The following AIG1 variants were observed in gnomAD, a reference collection of about 807,000 sequenced individuals.
AIG1 encodes androgen-induced gene 1 protein.
In AIG1, 23 loss-of-function variants were observed where a neutral mutation model predicts 31.4. The ratio of observed to expected loss-of-function variants is 0.73; its 90% CI spans 0.53 to 1.04. The LOEUF (loss-of-function observed/expected upper bound fraction) is 1.04. Ranked by LOEUF, AIG1 falls within the 50% of genes least tolerant of loss-of-function variation. AIG1 has a pLI of 0.00. For missense variants in AIG1, 274 were observed against 295.0 expected (o/e 0.93, Z 0.52); for synonymous variants, 100 against 110.5 (o/e 0.90, Z 0.60).
chr6:143,273,146 G>A (rs1796655783), intron 3 of AIG1, among the ~76,000 whole-genome samples: 1 of 152,072 alleles, frequency 6.6e-6, no homozygotes, highest in Non-Finnish European at 1.5e-5. Flanking sequence ...AATATTGTGG[G>A]AATATTTTAA....
At position 143,268,902 on chromosome 6, in the gene AIG1, T is replaced by C. The variant is rs1796324385; in HGVS notation, c.400-15208T>C. ...TGCCCTTATGTGAAGACAGCAGCCT[T>C]ACTAAGTTCAGACCCCCTTCCTGTG... On this transcript the variant is annotated intron_variant, in intron 3 of 5. Transcript: ENST00000357847. The surrounding 1 kb of genome is among the most constrained non-coding windows in gnomAD (Gnocchi z 5.0). 6.6e-6 allele frequency among the ~76,000 whole-genome samples: 1 copy of C among 152,168 alleles called. No individual in the cohort carries two copies. Among genetic ancestry groups the C allele is most frequent in the South Asian group, 2.1e-4 (1 of 4,830 alleles).
intron 3 of AIG1, chr6:143,187,629 C>G (rs1366203798): frequency 6.5e-7 from 1 of 1,536,118 alleles, no homozygotes; most frequent in Non-Finnish European, 8.7e-7. Flanking sequence ...CTTTCTGCAG[C>G]ATTTCAAAGC....
rs1313879282 is a variant in AIG1, at chr6:143,284,680, A to C, written c.515+455A>C. Among the ~76,000 whole-genome samples, 1 of 152,076 alleles carries C rather than the reference A, an allele frequency of 6.6e-6. No individual in the cohort carries two copies. On this transcript the variant is annotated intron_variant, in intron 4 of 5. Transcript: ENST00000357847. This position sits in a 1 kb window ranked among gnomAD's most constrained non-coding sequence, Gnocchi z 4.4. ...GTATGTTTTCCCTGGTCCATTTAAA[A>C]CCTACTCCAGAATTAACTGTTACAT...
intron 3 of AIG1, chr6:143,188,861 A>T: frequency 1.0e-6 from 1 of 985,324 alleles, no homozygotes; most frequent in Non-Finnish European, 1.2e-6. Flanking sequence ...ATTTTTCAAT[A>T]AGAAATTTGG....
chr6:143,243,165 C>T (rs1794369516), intron 3 of AIG1, among the ~76,000 whole-genome samples: 1 of 152,156 alleles, frequency 6.6e-6, no homozygotes, highest in Non-Finnish European at 1.5e-5. Flanking sequence ...GGTCCAACTT[C>T]TTTTCAGTAC....
At chr6:143,264,732 T>C (rs1354149673) in intron 3 of AIG1, among the ~76,000 whole-genome samples, 1 of 152,234 alleles carries the variant, frequency 6.6e-6, no homozygotes, top group African/African-American at 2.4e-5. Context: ...TGCGTGTTAT[T>C]GATTGGTTTC....
intron 1 of AIG1, among the ~76,000 whole-genome samples, chr6:143,066,456 A>G (rs1776721229): frequency 6.6e-6 from 1 of 152,060 alleles, no homozygotes; most frequent in Non-Finnish European, 1.5e-5. Flanking sequence ...TATTTTTAGT[A>G]GAGACAGGGT....
At chr6:143,194,976 T>A (rs1391628913) in intron 3 of AIG1, among the ~76,000 whole-genome samples, 1 of 152,238 alleles carries the variant, frequency 6.6e-6, no homozygotes, top group Non-Finnish European at 1.5e-5. Context: ...GGAGTCATAG[T>A]AAGAGATTTA....
chr6:143,148,623 C>A (rs1784909284), intron 2 of AIG1, among the ~76,000 whole-genome samples: 1 of 150,900 alleles, frequency 6.6e-6, no homozygotes, highest in Non-Finnish European at 1.5e-5. Flanking sequence ...GCCAGGAGTT[C>A]AAGACCAGCC....
At chr6:143,144,213 G>T (rs1784527745) in intron 2 of AIG1, among the ~76,000 whole-genome samples, 1 of 152,082 alleles carries the variant, frequency 6.6e-6, no homozygotes, top group Admixed American at 6.5e-5. Flanking sequence ...TATATGACAG[G>T]GAAAACCGTG....
intron 1 of AIG1, among the ~76,000 whole-genome samples, chr6:143,107,847 T>C (rs184535117): frequency 6.6e-6 from 1 of 152,350 alleles, no homozygotes; most frequent in African/African-American, 2.4e-5. Context: ...CTTTTGTGTG[T>C]TCCATTTTCT....
chr6:143,267,796 G>T (rs1459874609), intron 3 of AIG1, among the ~76,000 whole-genome samples: 1 of 152,138 alleles, frequency 6.6e-6, no homozygotes, highest in Non-Finnish European at 1.5e-5. Context: ...CATGAGGGAG[G>T]CTCCTGGTGA....
rs1298948457 is a variant in AIG1 at position 143,297,569 on chromosome 6, G to A, written c.515+13344G>A. On this transcript the variant is annotated intron_variant, in intron 4 of 5. Transcript: ENST00000357847. The surrounding 1 kb of genome is among the most constrained non-coding windows in gnomAD (Gnocchi z 5.1). ...GGCTGGGTGATTGGATGGTTGGGTGGTTGGTTGGGTGGGTGGTTGCTTAGT... is the reference window on the plus strand; with the variant it reads ...GGCTGGGTGATTGGATGGTTGGGTGATTGGTTGGGTGGGTGGTTGCTTAGT... Among the ~76,000 whole-genome samples, 1 of 151,916 alleles carries A rather than the reference G, an allele frequency of 6.6e-6. No homozygotes were observed. Among genetic ancestry groups the A allele is most frequent in the African/African-American group, 2.4e-5 (1 of 41,348 alleles).
chr6:143,103,501 C>CTTT lies in AIG1; in HGVS notation c.142-33312_142-33310dup, dbSNP rs1173435325. Among the ~76,000 whole-genome samples the CTTT allele has an allele frequency of 4.3e-3, 366 of 84,214 alleles. 2 individuals carry two copies. Among genetic ancestry groups the CTTT allele is most frequent in the East Asian group, 0.014 (35 of 2,478 alleles). 55.2% of individuals were successfully genotyped at this position (84,214 alleles called of 152,430 possible). A position where few individuals can be genotyped will look rare whatever the true frequency, so the allele number is the denominator to read the frequency against. Reference sequence around the variant, plus strand: ...TAGATGTGATAAATACAGAAGTTTTCTTTTTTTTTTTTTTTTTTTTTTTTG... The same window carrying CTTT: ...TAGATGTGATAAATACAGAAGTTTTCTTTTTTTTTTTTTTTTTTTTTTTTTTTG... On this transcript the variant is annotated intron_variant, in intron 1 of 5. Transcript: ENST00000357847.
intron 4 of AIG1, among the ~76,000 whole-genome samples, chr6:143,312,863 G>A (rs982916692): frequency 1.3e-5 from 2 of 151,782 alleles, no homozygotes; most frequent in South Asian, 4.1e-4. Context: ...AATTCTATAG[G>A]GAAAAAATAA....
intron 3 of AIG1, among the ~76,000 whole-genome samples, chr6:143,230,156 C>T (rs1407683044): frequency 6.6e-6 from 1 of 152,078 alleles, no homozygotes; most frequent in African/African-American, 2.4e-5. Flanking sequence ...TAATGGTTTG[C>T]TAATGTCCCT....
intron 1 of AIG1, among the ~76,000 whole-genome samples, chr6:143,072,294 TATTTATTAATTC>T (rs1777364018): frequency 6.6e-6 from 1 of 152,222 alleles, no homozygotes; most frequent in Non-Finnish European, 1.5e-5. Context: ...TAACTAAACT[TATTTATTAATTC>T]AAGGAGCTTT....
intron 3 of AIG1, among the ~76,000 whole-genome samples, chr6:143,239,502 C>T (rs1042763218): frequency 5.3e-5 from 8 of 152,180 alleles, no homozygotes; most frequent in Non-Finnish European, 1.2e-4. Context: ...GAGGCGCCAC[C>T]ACTGGCTGGA....
intron 2 of AIG1, among the ~76,000 whole-genome samples, chr6:143,161,008 T>C (rs983505077): frequency 1.3e-5 from 2 of 152,160 alleles, no homozygotes; most frequent in Non-Finnish European, 2.9e-5. Context: ...GGTTAACAGA[T>C]AGTGACTCCT....
Sources: allele counts gnomAD v4.1 joint callset (sites outside exome capture counted in the v4.1 genomes callset), GRCh38; gene constraint gnomAD v4.1.1; non-coding constraint Gnocchi (gnomAD v3.1); transcripts MANE v1.5; gene names NCBI Gene and HGNC (gene_info 2026-07-23, HGNC 2026-07-21).